Variants in DLG2 observed in about 807,000 individuals in gnomAD.
DLG2 encodes the protein disks large homolog 2.
DLG2 carries 45 observed loss-of-function variants against 132.5 expected under a neutral mutation model. The ratio of observed to expected loss-of-function variants is 0.34; its 90% confidence interval spans 0.27 to 0.44. The LOEUF (loss-of-function observed/expected upper bound fraction) is 0.44. DLG2 is among the 20% of genes least tolerant of loss of function. The pLI, the probability that DLG2 is intolerant of heterozygous loss-of-function variation, is 1.00. For missense variants in DLG2, 1,045 were observed against 1,196.9 expected (o/e 0.87, Z 1.87); for synonymous variants, 424 against 419.6 (o/e 1.01, Z -0.13).
At chr11:84,995,719 A>T (rs779868976) in intron 6 of DLG2, among the ~76,000 whole-genome samples, 3 of 151,804 alleles carry the variant, frequency 2.0e-5, no homozygotes, top group Admixed American at 6.6e-5. Flanking sequence ...AACTTAAGCA[A>T]TTTTTTTTTA....
At chr11:83,998,030 G>A (rs1432343235) in intron 11 of DLG2, among the ~76,000 whole-genome samples, 1 of 151,896 alleles carries the variant, frequency 6.6e-6, no homozygotes, top group Non-Finnish European at 1.5e-5. Flanking sequence ...AGCTACTCGG[G>A]AGGCTGAGGC....
chr11:83,756,243 A>G (rs1018090257), intron 18 of DLG2, among the ~76,000 whole-genome samples: 1 of 151,368 alleles, frequency 6.6e-6, no homozygotes, highest in Admixed American at 6.6e-5. Flanking sequence ...ACCTGCTTTT[A>G]GAACCACCTG....
chr11:84,449,875 C>T (rs1001290888), intron 7 of DLG2, among the ~76,000 whole-genome samples: 2 of 151,354 alleles, frequency 1.3e-5, no homozygotes, highest in African/African-American at 2.4e-5. Flanking sequence ...AAAATAAAAA[C>T]AAGTAATTTT....
chr11:85,359,910 G>A (rs1346368278), intron 3 of DLG2, among the ~76,000 whole-genome samples: 4 of 152,080 alleles, frequency 2.6e-5, no homozygotes, highest in South Asian at 2.1e-4. Context: ...AAGAACTATC[G>A]TGTGAAAAAA....
intron 6 of DLG2, among the ~76,000 whole-genome samples, chr11:84,893,665 G>A (rs1264815341): frequency 6.6e-6 from 1 of 152,120 alleles, no homozygotes; most frequent in Non-Finnish European, 1.5e-5. Context: ...TTCAGTGACG[G>A]TTTGTTAGCT....
At chr11:85,366,731 G>GTA (rs1229776164) in intron 3 of DLG2, among the ~76,000 whole-genome samples, 1 of 152,082 alleles carries the variant, frequency 6.6e-6, no homozygotes, top group Non-Finnish European at 1.5e-5. Context: ...ACATTTTGAT[G>GTA]TATATATAGC....
intron 18 of DLG2, among the ~76,000 whole-genome samples, chr11:83,666,695 A>G (rs2075650772): frequency 6.6e-6 from 1 of 152,170 alleles, no homozygotes. Flanking sequence ...CAGCTTAATT[A>G]TAACTATCTA....
rs145556092 is a variant in DLG2 at position 84,370,201 on chromosome 11, G to A, written c.520-118910C>T. The stretch of plus-strand genomic sequence containing the variant: ...CATTCATAGACTCGAATATATAACC[G>A]TTTCACAGATCTGAGCTGCCTCTCA... On this transcript the variant is annotated intron_variant, in intron 7 of 27. Transcript: ENST00000376104. Among the ~76,000 whole-genome samples, 528 of 152,004 alleles carry A rather than the reference G, an allele frequency of 3.5e-3. 3 individuals carry two copies. Among genetic ancestry groups the A allele is most frequent in the African/African-American group, 0.012 (498 of 41,464 alleles).
At chr11:85,542,093 G>A (rs2076008845) in intron 3 of DLG2, among the ~76,000 whole-genome samples, 1 of 152,040 alleles carries the variant, frequency 6.6e-6, no homozygotes, top group Non-Finnish European at 1.5e-5. Context: ...ACATTCGTGT[G>A]CCCACAGAGA....
chr11:84,650,666 T>A (rs1041096304), intron 6 of DLG2, among the ~76,000 whole-genome samples: 3 of 152,026 alleles, frequency 2.0e-5, no homozygotes, highest in Admixed American at 1.3e-4. Context: ...CCTTCTTGCT[T>A]AACCTCTCAT....
At chr11:83,850,153 TG>T (rs1565335188) in intron 16 of DLG2, among the ~76,000 whole-genome samples, 1,469 of 134,360 alleles carry the variant, frequency 0.011, 22 homozygotes, top group African/African-American at 0.042. Flanking sequence ...TGTGTGTGTG[TG>T]TGTGTGTTTT....
intron 17 of DLG2, among the ~76,000 whole-genome samples, chr11:83,798,122 C>T (rs758785730): frequency 5.3e-5 from 8 of 152,150 alleles, no homozygotes; most frequent in Non-Finnish European, 1.0e-4. Flanking sequence ...AGGTTTTCCA[C>T]CACAGCTCAT....
At chr11:84,755,336 C>A (rs2066716138) in intron 6 of DLG2, among the ~76,000 whole-genome samples, 1 of 152,214 alleles carries the variant, frequency 6.6e-6, no homozygotes, top group South Asian at 2.1e-4. Flanking sequence ...CCTTTCCTTA[C>A]CGACAGGATA....
intron 3 of DLG2, among the ~76,000 whole-genome samples, chr11:85,384,115 C>G (rs904327393): frequency 1.3e-5 from 2 of 152,116 alleles, no homozygotes; most frequent in Non-Finnish European, 2.9e-5. Flanking sequence ...CCCTACTGAA[C>G]AGCAGGTCTT....
chr11:84,439,295 A>T (rs1311270181), intron 7 of DLG2, among the ~76,000 whole-genome samples: 1 of 152,304 alleles, frequency 6.6e-6, no homozygotes, highest in South Asian at 2.1e-4. Context: ...TTCCTGCCCT[A>T]TGAGTCTATG....
At chr11:84,478,133 C>G (rs570302155) in intron 7 of DLG2, among the ~76,000 whole-genome samples, 1 of 152,110 alleles carries the variant, frequency 6.6e-6, no homozygotes, top group South Asian at 2.1e-4. Flanking sequence ...TAGATGCACA[C>G]TGTTAACAGT....
intron 6 of DLG2, among the ~76,000 whole-genome samples, chr11:84,824,976 G>A (rs2078160199): frequency 1.3e-5 from 2 of 151,812 alleles, no homozygotes; most frequent in South Asian, 4.1e-4. Context: ...CTTGACATTT[G>A]GAATCTTTAG....
intron 2 of DLG2, among the ~76,000 whole-genome samples, chr11:85,612,262 A>G (rs1157774668): frequency 2.0e-5 from 3 of 152,208 alleles, no homozygotes; most frequent in Non-Finnish European, 4.4e-5. Context: ...CCTATCAAAA[A>G]TCCTTAACCC....
At chr11:84,814,264 A>T (rs774349316) in intron 6 of DLG2, among the ~76,000 whole-genome samples, 3 of 152,092 alleles carry the variant, frequency 2.0e-5, no homozygotes, top group Non-Finnish European at 4.4e-5. Flanking sequence ...GTGGATGAGC[A>T]TACTAGTGTA....
Sources: allele counts gnomAD v4.1 joint callset (sites outside exome capture counted in the v4.1 genomes callset), GRCh38; gene constraint gnomAD v4.1.1; transcripts MANE v1.5; gene names NCBI Gene and HGNC (gene_info 2026-07-23, HGNC 2026-07-21).